Variants in PIK3C2G observed in about 807,000 individuals in gnomAD.
PIK3C2G encodes the protein phosphatidylinositol 3-kinase C2 domain-containing subunit gamma.
A neutral mutation model predicts 181.1 loss-of-function variants in PIK3C2G; 168 were observed. The observed-to-expected ratio is 0.93, with a 90% CI of 0.82 to 1.05. PIK3C2G has a LOEUF of 1.05. PIK3C2G is among the 50% of genes least tolerant of loss of function. The pLI is 0.00. For missense variants in PIK3C2G, 1,869 were observed against 1,732.8 expected (o/e 1.08, Z -1.40); for synonymous variants, 573 against 592.2 (o/e 0.97, Z 0.47).
At chr12:18,373,770 G>A (rs372400308) in intron 13 of PIK3C2G, among the ~76,000 whole-genome samples, 2 of 151,930 alleles carry the variant, frequency 1.3e-5, no homozygotes, top group African/African-American at 4.8e-5. Context: ...GGAGAATGGC[G>A]TGAACCCGGG....
chr12:18,303,115 C>CTTCTTTCTTTCT (rs71061296), intron 5 of PIK3C2G, among the ~76,000 whole-genome samples: 7,714 of 136,604 alleles, frequency 0.056, 263 homozygotes, highest in Middle Eastern at 0.092. Flanking sequence ...TCTTTCTTTC[C>CTTCTTTCTTTCT]TTCTTTCTTT....
At chr12:18,572,796 G>T (rs1173864601) in intron 29 of PIK3C2G, among the ~76,000 whole-genome samples, 1 of 151,732 alleles carries the variant, frequency 6.6e-6, no homozygotes, top group African/African-American at 2.4e-5. Flanking sequence ...GTTTCTTCAT[G>T]CCTCATTCTG....
the PIK3C2G span, among the ~76,000 whole-genome samples, chr12:18,711,355 A>G: frequency 8.7e-6 from 1 of 114,858 alleles, no homozygotes; most frequent in African/African-American, 3.5e-5. Context: ...GGACACAGGA[A>G]GGGGAACATC....
At chr12:18,665,146 T>A in the PIK3C2G span, among the ~76,000 whole-genome samples, 10 of 151,182 alleles carry the variant, frequency 6.6e-5, no homozygotes, top group African/African-American at 2.2e-4. Flanking sequence ...ACCCTAAAAC[T>A]TAAAGCATAA....
intron 1 of PIK3C2G, among the ~76,000 whole-genome samples, chr12:18,249,225 G>T (rs546651605): frequency 1.9e-3 from 295 of 152,220 alleles, no homozygotes; most frequent in Middle Eastern, 6.8e-3. Flanking sequence ...AGAACTGTTA[G>T]TGACTAGGAT....
chr12:18,363,836 C>T (rs951974393), intron 12 of PIK3C2G, among the ~76,000 whole-genome samples: 3 of 152,130 alleles, frequency 2.0e-5, no homozygotes, highest in Admixed American at 6.5e-5. Context: ...GGCATGTGAC[C>T]TTCAATTCTC....
chr12:18,544,350 G>A (rs1220154685), intron 25 of PIK3C2G, among the ~76,000 whole-genome samples: 1 of 151,820 alleles, frequency 6.6e-6, no homozygotes, highest in East Asian at 1.9e-4. Context: ...CAAACTAGAA[G>A]TTTGTATGCT....
chr12:18,370,777 T>G (rs961487957), intron 12 of PIK3C2G, among the ~76,000 whole-genome samples: 1 of 152,158 alleles, frequency 6.6e-6, no homozygotes, highest in Non-Finnish European at 1.5e-5. Context: ...TTCTGGAATA[T>G]TCTTTTCCAA....
intron 26 of PIK3C2G, among the ~76,000 whole-genome samples, chr12:18,551,842 T>C (rs1256118233): frequency 2.0e-5 from 3 of 152,130 alleles, no homozygotes; most frequent in African/African-American, 7.2e-5. Flanking sequence ...GCATATTCTA[T>C]TGTTCCCTGC....
At chr12:18,387,518 G>A (rs1259169546) in intron 14 of PIK3C2G, among the ~76,000 whole-genome samples, 1 of 151,940 alleles carries the variant, frequency 6.6e-6, no homozygotes, top group Non-Finnish European at 1.5e-5. Flanking sequence ...TGTCTATAAT[G>A]TGCCCTCGCC....
At chr12:18,440,331 A>G (rs1471410722) in intron 18 of PIK3C2G, among the ~76,000 whole-genome samples, 1 of 152,128 alleles carries the variant, frequency 6.6e-6, no homozygotes, top group Non-Finnish European at 1.5e-5. Flanking sequence ...GGATATAGCA[A>G]TGAATAAAAG....
chr12:18,395,084 C>CTTTCTTTCTTTCTTTCT lies in PIK3C2G; in HGVS notation c.2126+3834_2126+3835insTCTTTCTTTCTTTCTTT, dbSNP rs1353162233. 5.9e-3 allele frequency among the ~76,000 whole-genome samples: 837 copies of CTTTCTTTCTTTCTTTCT among 141,570 alleles called. 6 individuals carry two copies. The highest frequency in any genetic ancestry group is 0.037 in the East Asian group (177 of 4,800). The allele number at this position is 141,570 out of a possible 152,430, so 92.9% of individuals were successfully genotyped here. A position where few individuals can be genotyped will look rare whatever the true frequency, so the allele number is the denominator to read the frequency against. ...CCTTCTTTCCCTGCCTCTTTCATTC[C>CTTTCTTTCTTTCTTTCT]TTCTTTCTTTCTTTCTTTCATTCTT... On this transcript the variant is annotated intron_variant, in intron 15 of 32. Coordinates refer to ENST00000538779, the MANE Select transcript of PIK3C2G (RefSeq NM_001288772.2).
chr12:18,538,376 C>T, intron 25 of PIK3C2G, 64 bp downstream of exon 25: 1 of 1,384,220 alleles, frequency 7.2e-7, no homozygotes, highest in Non-Finnish European at 9.8e-7. Flanking sequence ...CTTCAGTAGT[C>T]TATTTTTACT....
At chr12:18,707,570 C>T in the PIK3C2G span, among the ~76,000 whole-genome samples, 3 of 152,146 alleles carry the variant, frequency 2.0e-5, no homozygotes, top group Non-Finnish European at 4.4e-5. Context: ...TAAGGCTCAC[C>T]TAAGAGTCAT....
chr12:18,665,267 T>C, the PIK3C2G span, among the ~76,000 whole-genome samples: 1 of 152,034 alleles, frequency 6.6e-6, no homozygotes, highest in Non-Finnish European at 1.5e-5. Context: ...GTATATAGAC[T>C]TTCAGTTTTG....
intron 25 of PIK3C2G, among the ~76,000 whole-genome samples, chr12:18,545,175 C>G (rs1278807959): frequency 6.6e-6 from 1 of 151,842 alleles, no homozygotes; most frequent in Non-Finnish European, 1.5e-5. Flanking sequence ...CCATGTAATA[C>G]TCGGTTCCAG....
At chr12:18,350,046 G>T (rs907329443) in intron 11 of PIK3C2G, among the ~76,000 whole-genome samples, 6 of 152,128 alleles carry the variant, frequency 3.9e-5, no homozygotes, top group Non-Finnish European at 7.4e-5. Flanking sequence ...AAACTATAAA[G>T]AAGCAATGAC....
chr12:18,688,209 C>T, the PIK3C2G span: 12 of 1,608,018 alleles, frequency 7.5e-6, no homozygotes, highest in Non-Finnish European at 1.0e-5. Flanking sequence ...AACTGGATAC[C>T]ACTGATGAGC....
the PIK3C2G span, among the ~76,000 whole-genome samples, chr12:18,662,001 TA>T: frequency 6.6e-6 from 1 of 152,128 alleles, no homozygotes; most frequent in Non-Finnish European, 1.5e-5. Flanking sequence ...ATTATCCCAT[TA>T]TCCTAAGTGA....
Sources: allele counts gnomAD v4.1 joint callset (sites outside exome capture counted in the v4.1 genomes callset), GRCh38; gene constraint gnomAD v4.1.1; transcripts MANE v1.5; gene names NCBI Gene and HGNC (gene_info 2026-07-23, HGNC 2026-07-21).